Variants in DTX3L observed in about 807,000 individuals in gnomAD.
DTX3L encodes deltex E3 ubiquitin ligase 3L, also known as E3 ubiquitin-protein ligase DTX3L.
Under a neutral mutation model 60.9 loss-of-function variants are expected in DTX3L, and 34 were observed. That is an observed-to-expected ratio of 0.56 (90% CI 0.42 to 0.74). DTX3L has a LOEUF of 0.74. Ranked by LOEUF, DTX3L falls within the 30% of genes least tolerant of loss-of-function variation. DTX3L has a pLI of 0.00. For synonymous variants in DTX3L, 290 were observed against 316.6 expected (o/e 0.92, Z 0.89); for missense variants, 810 against 874.0 (o/e 0.93, Z 0.92).
In DTX3L at chr3:122,566,072, T is replaced by C; in HGVS notation, c.399+2T>C. The C allele has an allele frequency of 6.2e-7, 1 of 1,613,284 alleles. No homozygotes were observed. The highest frequency in any genetic ancestry group is 1.1e-5 in the South Asian group (1 of 91,036). On this transcript the variant is annotated splice_donor_variant, in intron 2 of 4. Transcript: ENST00000296161. LOFTEE classifies it high-confidence loss of function. ...GCTGTGGATTCCTGTCTCCAAAAGG[T>C]GAGTATTGAAAGAAGGAGCTGGCTG...
chr3:122,568,993 A>G lies in DTX3L; in HGVS notation c.904A>G (p.Thr302Ala). ...ESFASEFQKNTEPLKQECVSL... is the reference protein window; with the variant it reads ...ESFASEFQKNAEPLKQECVSL... ...TTTTGCTAGTGAATTTCAGAAGAAC[A>G]CAGAACCTCTGAAGCAAGAATGTGT... Residue 302 changes from threonine to alanine, a missense_variant, in exon 3 of 5, where the codon ACA (threonine) becomes GCA (alanine). By Grantham distance (58) the Thr-to-Ala change is moderately conservative. Coordinates refer to ENST00000296161, the MANE Select transcript of DTX3L (RefSeq NM_138287.3). 18 of 1,614,184 alleles carry G rather than the reference A, an allele frequency of 1.1e-5. No individual in the cohort carries two copies. Among genetic ancestry groups the G allele is most frequent in the Non-Finnish European group, 1.5e-5 (18 of 1,180,046 alleles).
chr3:122,569,978 T>C lies in DTX3L; in HGVS notation c.1889T>C (p.Phe630Ser). The C allele has an allele frequency of 6.2e-7, 1 of 1,614,116 alleles. No individual in the cohort carries two copies. Among genetic ancestry groups the C allele is most frequent in the East Asian group, 2.2e-5 (1 of 44,880 alleles). ...SRDSLPGYES[F>S]GTIVITYSMK... ...GACTCACTTCCAGGTTATGAGTCCT[T>C]TGGCACCATTGTGATTACTTATTCT... is the stretch of plus-strand genomic sequence containing the variant. Residue 630 changes from phenylalanine (F) to serine (S), a missense_variant, in exon 3 of 5, where the codon TTT (phenylalanine) becomes TCT (serine). By Grantham distance (155) the Phe-to-Ser change is radical. Coordinates refer to ENST00000296161, the MANE Select transcript of DTX3L (RefSeq NM_138287.3).
In DTX3L at chr3:122,569,578, A is replaced by G; in HGVS notation, c.1489A>G (p.Asn497Asp). 6.2e-7 allele frequency: 1 copy of G among 1,614,222 alleles called. No homozygotes were observed. The highest frequency in any genetic ancestry group is 8.5e-7 in the Non-Finnish European group (1 of 1,180,036). ...GTCAATGACTTTGACTGGTTTGCCA[A>G]ATCACCTTGCAAAGGCGAAGCAGTA... Reference protein sequence around the residue: ...QESMTLTGLPNHLAKAKQYVL... With the variant: ...QESMTLTGLPDHLAKAKQYVL... Residue 497 changes from asparagine to aspartate, a missense_variant, in exon 3 of 5, where the codon AAT becomes GAT. Asn to Asp is a conservative substitution (Grantham distance 23). Transcript: ENST00000296161.
At chr3:122,570,373 T>C (rs1400912775) in intron 3 of DTX3L, 82 bp from the exon 4 acceptor site, 1 of 1,360,592 alleles carries the variant, frequency 7.3e-7, no homozygotes, top group Non-Finnish European at 1.0e-6. Flanking sequence ...ATTTGCTTTA[T>C]CTACAAATGA....
In DTX3L at chr3:122,569,253, A is replaced by G; in HGVS notation, c.1164A>G (p.Leu388=). 1 of 1,614,140 alleles carries G rather than the reference A, an allele frequency of 6.2e-7. No individual in the cohort carries two copies. Among genetic ancestry groups the G allele is most frequent in the Non-Finnish European group, 8.5e-7 (1 of 1,179,998 alleles). The change falls in exon 3 of 5, where the codon TTA becomes TTG. Residue 388 remains leucine (L), a synonymous_variant. Transcript: ENST00000296161. ...TTGATAGTGCCCACTATAAACTTTT[A>G]GAAACTGAATTACTACAGGAGATAT... The part of the protein sequence containing the change: ...IEVDSAHYKL[L]ETELLQEISE...
At position 122,571,869 on chromosome 3, in the gene DTX3L, G is replaced by T. The variant is rs540648060; in HGVS notation, c.*122G>T. The T allele has an allele frequency of 2.7e-5, 21 of 776,536 alleles. No individual in the cohort carries two copies. The highest frequency in any genetic ancestry group is 3.9e-4 in the Middle Eastern group (1 of 2,550). The allele number at this position is 776,536 out of a possible 1,614,324, so 48.1% of individuals were successfully genotyped here. A position where few individuals can be genotyped will look rare whatever the true frequency, so the allele number is the denominator to read the frequency against. ...TTGAAATTTTTCTTCTCAAGAAATGGTTTGTATAAGAATAACAATCTGCTA... is the reference window on the plus strand; with the variant it reads ...TTGAAATTTTTCTTCTCAAGAAATGTTTTGTATAAGAATAACAATCTGCTA... On this transcript the variant is annotated 3_prime_UTR_variant, in exon 5 of 5. Transcript: ENST00000296161.
chr3:122,566,156 C>T, intron 2 of DTX3L, 86 bp downstream of exon 2: 1 of 1,243,548 alleles, frequency 8.0e-7, no homozygotes, highest in Non-Finnish European at 1.1e-6. Flanking sequence ...CACCCATGTG[C>T]TGGGCACGTA....
chr3:122,569,212 A>G lies in DTX3L; in HGVS notation c.1123A>G (p.Met375Val), dbSNP rs1318057899. 2 of 1,614,114 alleles carry G rather than the reference A, an allele frequency of 1.2e-6. No homozygotes were observed. The highest frequency in any genetic ancestry group is 2.7e-5 in the African/African-American group (2 of 75,066). The change falls in exon 3 of 5, where the codon ATG (methionine) becomes GTG (valine). Residue 375 changes from methionine to valine, a missense_variant. Met to Val is a conservative substitution (Grantham distance 21, BLOSUM62 1). Transcript: ENST00000296161. Reference protein sequence around the residue: ...PVKLFAANYMMNVIEVDSAHY... With the variant: ...PVKLFAANYMVNVIEVDSAHY... ...GAAACTATTTGCTGCCAATTACATG[A>G]TGAATGTAATTGAGGTTGATAGTGC...
Position 122,568,894 on chromosome 3 carries a change from G to T in DTX3L, c.805G>T (p.Glu269Ter). 1.9e-6 allele frequency: 3 copies of T among 1,614,016 alleles called. No individual in the cohort carries two copies. Among genetic ancestry groups the T allele is most frequent in the Non-Finnish European group, 2.5e-6 (3 of 1,180,020 alleles). The change falls in exon 3 of 5, where the codon GAG becomes TAG. Residue 269 changes from glutamate to a stop codon, truncating the protein, a stop_gained. Coordinates refer to ENST00000296161, the MANE Select transcript of DTX3L (RefSeq NM_138287.3). LOFTEE classifies it high-confidence loss of function. ...KRFGVNIEIQ[E>*]SSPNMVCLDF... Reference sequence around the variant, plus strand: ...ATTTGGTGTAAACATTGAAATCCAGGAGAGTTCTCCAAATATGGTCTGTTT... The same window carrying T: ...ATTTGGTGTAAACATTGAAATCCAGTAGAGTTCTCCAAATATGGTCTGTTT...
Position 122,569,821 on chromosome 3 carries a change from A to G in DTX3L, c.1732A>G (p.Lys578Glu). 2 of 1,614,198 alleles carry G rather than the reference A, an allele frequency of 1.2e-6. No homozygotes were observed. Among genetic ancestry groups the G allele is most frequent in the Non-Finnish European group, 1.7e-6 (2 of 1,180,036 alleles). The stretch of plus-strand genomic sequence containing the variant: ...TAACAAAAAAGTGCTACCAAAGTGC[A>G]AGCATGAATTCTGCGCCCCTTGTAT... ...ISNKKVLPKC[K>E]HEFCAPCINK... The change falls in exon 3 of 5, where the codon AAG (lysine) becomes GAG (glutamate). Residue 578 changes from lysine to glutamate, a missense_variant. Lys to Glu is a moderately conservative substitution (Grantham distance 56). Transcript: ENST00000296161.
rs1472833429 is a variant in DTX3L at position 122,570,469 on chromosome 3, C to A, written c.1950C>A (p.Asn650Lys). The A allele has an allele frequency of 1.2e-6, 2 of 1,613,972 alleles. No homozygotes were observed. Among genetic ancestry groups the A allele is most frequent in the East Asian group, 4.5e-5 (2 of 44,888 alleles). ...KAGIQTEEHP[N>K]PGKRYPGIQR... The stretch of plus-strand genomic sequence containing the variant: ...TTCTCACACAGGAAGAACACCCAAA[C>A]CCAGGAAAGAGATACCCTGGAATAC... Residue 650 changes from asparagine (N) to lysine (K), a missense_variant, in exon 4 of 5, where the codon AAC becomes AAA. Transcript: ENST00000296161.
In DTX3L at chr3:122,565,853, C is replaced by T. The variant is rs1576458177; in HGVS notation, c.188-6C>T. On this transcript the variant is annotated splice_polypyrimidine_tract_variant and splice_region_variant and intron_variant, in intron 1 of 4. Coordinates refer to ENST00000296161, the MANE Select transcript of DTX3L (RefSeq NM_138287.3). ...TATATGTGTGTGTTTAATGTCTCCA[C>T]TGAAGCTAAGGAGAGAGTGTTGAAA... The T allele has an allele frequency of 6.2e-7, 1 of 1,613,606 alleles. No homozygotes were observed.
At chr3:122,565,607 A>G (rs538668080) in intron 1 of DTX3L, among the ~76,000 whole-genome samples, 1 of 152,068 alleles carries the variant, frequency 6.6e-6, no homozygotes, top group African/African-American at 2.4e-5. Flanking sequence ...TTTTAGAAAC[A>G]TGATGTTTAA....
In DTX3L at chr3:122,568,594, G is replaced by A. The variant is rs1241353048; in HGVS notation, c.505G>A (p.Asp169Asn). The change falls in exon 3 of 5, where the codon GAT (aspartate) becomes AAT (asparagine). Residue 169 changes from aspartate (D) to asparagine (N), a missense_variant. By Grantham distance (23) the Asp-to-Asn change is conservative. Transcript: ENST00000296161. ...CPSIRKMEGHDGIEKVCGDFQ... is the reference protein window; with the variant it reads ...CPSIRKMEGHNGIEKVCGDFQ... The stretch of plus-strand genomic sequence containing the variant: ...TAGTATCAGAAAAATGGAAGGTCAC[G>A]ATGGAATTGAGAAGGTGTGTGGTGA... 22 of 1,614,028 alleles carry A rather than the reference G, an allele frequency of 1.4e-5. No individual in the cohort carries two copies. Among genetic ancestry groups the A allele is most frequent in the Non-Finnish European group, 1.7e-5 (20 of 1,180,032 alleles).
chr3:122,565,809 T>G (rs2080573502), intron 1 of DTX3L, 50 bp from the exon 2 acceptor site: 2 of 1,553,540 alleles, frequency 1.3e-6, no homozygotes, highest in East Asian at 4.5e-5. Context: ...ACTTGAAATC[T>G]CTCCCATTTT....
Position 122,570,498 on chromosome 3 carries a change from G to A in DTX3L, c.1979G>A (p.Arg660Gln), listed in dbSNP as rs755071547. ...NPGKRYPGIQRTAYLPDNKEG... is the reference protein window; with the variant it reads ...NPGKRYPGIQQTAYLPDNKEG... Reference sequence around the variant, plus strand: ...GGAAAGAGATACCCTGGAATACAGCGAACTGCATACTTGCCTGATAATAAG... The same window carrying A: ...GGAAAGAGATACCCTGGAATACAGCAAACTGCATACTTGCCTGATAATAAG... Residue 660 changes from arginine (R) to glutamine (Q), a missense_variant, in exon 4 of 5, where the codon CGA becomes CAA. By Grantham distance (43) the Arg-to-Gln change is conservative. Transcript: ENST00000296161. The A allele has an allele frequency of 3.7e-6, 6 of 1,613,986 alleles. No homozygotes were observed. The highest frequency in any genetic ancestry group is 3.4e-6 in the Non-Finnish European group (4 of 1,180,030).
At chr3:122,570,754 G>A (rs1050624646) in intron 4 of DTX3L, 82 bp downstream of exon 4, 2 of 1,423,960 alleles carry the variant, frequency 1.4e-6, no homozygotes, top group Admixed American at 3.6e-5. Flanking sequence ...GTGGATATAA[G>A]TAGACTCTAT....
At chr3:122,567,355 G>T (rs2080599175) in intron 2 of DTX3L, among the ~76,000 whole-genome samples, 1 of 152,130 alleles carries the variant, frequency 6.6e-6, no homozygotes, top group Admixed American at 6.5e-5. Flanking sequence ...TGGTTAGGAG[G>T]GGTTGCAGTG....
chr3:122,571,528 G>A (rs768799569), intron 4 of DTX3L, 150 bp from the exon 5 acceptor site: 124 of 601,172 alleles, frequency 2.1e-4, no homozygotes, highest in Admixed American at 4.9e-4. Context: ...TCGCATCTGC[G>A]AATTTAAAAG....
Sources: gnomAD v4.1 joint callset for allele counts (sites outside exome capture counted in the v4.1 genomes callset) on GRCh38, gnomAD v4.1.1 for gene constraint, MANE v1.5 for transcripts, NCBI Gene and HGNC (gene_info 2026-07-23, HGNC 2026-07-21) for gene names.